Variants in PARD3B observed in about 807,000 individuals in gnomAD.
PARD3B encodes the protein par-3 family cell polarity regulator beta, also known as partitioning defective 3 homolog B.
A neutral mutation model predicts 130.2 loss-of-function variants in PARD3B; 103 were observed. The observed-to-expected ratio is 0.79, with a 90% CI of 0.67 to 0.93. The LOEUF is 0.93. Ranked by LOEUF, PARD3B falls within the 40% of genes least tolerant of loss-of-function variation. The probability of loss-of-function intolerance (pLI) is 0.00; values close to 1 mark genes in which losing one functional copy is unlikely to be tolerated. For synonymous variants in PARD3B, 583 were observed against 553.2 expected (o/e 1.05, Z -0.76); for missense variants, 1,609 against 1,499.2 (o/e 1.07, Z -1.21).
intron 2 of PARD3B, among the ~76,000 whole-genome samples, chr2:204,844,571 C>T (rs970229122): frequency 1.2e-4 from 18 of 152,050 alleles, no homozygotes; most frequent in Admixed American, 4.6e-4. Flanking sequence ...TTGGTACTAA[C>T]GTGTGAGCAC....
chr2:205,106,491 G>A (rs1703227403), intron 5 of PARD3B, among the ~76,000 whole-genome samples: 1 of 32,626 alleles, frequency 3.1e-5, no homozygotes, highest in African/African-American at 1.6e-4. Flanking sequence ...ATGTGTGTGT[G>A]TGTGTGTGTG....
In PARD3B at chr2:205,521,743, CGTTT is replaced by C. The variant is rs372129031; in HGVS notation, c.3180+21717_3180+21720del. On this transcript the variant is annotated intron_variant, in intron 21 of 22. Coordinates refer to ENST00000406610, the MANE Select transcript of PARD3B (RefSeq NM_001302769.2). ...TATTTGTAAGTGAAATTGATAAGTA[CGTTT>C]GTTTTTTTGTTTGTTTGTTTCTAAC... Among the ~76,000 whole-genome samples, 265 of 151,982 alleles carry C rather than the reference CGTTT, an allele frequency of 1.7e-3. 3 individuals carry two copies. The highest frequency in any genetic ancestry group is 4.8e-3 in the African/African-American group (199 of 41,504).
chr2:204,611,162 G>A (rs530772145), intron 1 of PARD3B, among the ~76,000 whole-genome samples: 32 of 152,258 alleles, frequency 2.1e-4, no homozygotes, highest in African/African-American at 7.0e-4. Context: ...CTCAGCATGA[G>A]TCCTAATGTA....
intron 1 of PARD3B, among the ~76,000 whole-genome samples, chr2:204,621,212 G>A (rs1405633637): frequency 2.0e-5 from 3 of 152,204 alleles, no homozygotes; most frequent in Admixed American, 1.3e-4. Context: ...ACTGAAAGCT[G>A]TAGGAAGGTA....
At chr2:205,488,806 A>C (rs1016818867) in intron 20 of PARD3B, among the ~76,000 whole-genome samples, 6 of 152,184 alleles carry the variant, frequency 3.9e-5, no homozygotes, top group Non-Finnish European at 7.3e-5. Context: ...TGGAATCACT[A>C]TCACTACTTA....
At chr2:205,212,174 A>G (rs1331915446) in intron 15 of PARD3B, among the ~76,000 whole-genome samples, 5 of 143,260 alleles carry the variant, frequency 3.5e-5, no homozygotes, top group South Asian at 2.3e-4. Flanking sequence ...ATTTGTTAAT[A>G]TAAACAGTAT....
chr2:205,499,790 T>C, intron 20 of PARD3B, 106 bp from the exon 21 acceptor site: 1 of 1,243,548 alleles, frequency 8.0e-7, no homozygotes, highest in Non-Finnish European at 1.1e-6. Context: ...ATTACATTAT[T>C]GAATCTTCCA....
intron 22 of PARD3B, among the ~76,000 whole-genome samples, chr2:205,605,413 GGTA>G (rs1215331258): frequency 6.6e-6 from 1 of 152,136 alleles, no homozygotes; most frequent in African/African-American, 2.4e-5. Flanking sequence ...GTTTTTTGTT[GGTA>G]GTGGTGGTGG....
intron 1 of PARD3B, among the ~76,000 whole-genome samples, chr2:204,611,364 C>G (rs1049681999): frequency 5.3e-5 from 8 of 152,154 alleles, no homozygotes; most frequent in Non-Finnish European, 1.0e-4. Flanking sequence ...AGTGGGGAAA[C>G]CCTTGTCATG....
Position 205,539,050 on chromosome 2 carries a change from A to G in PARD3B, c.3181-14274A>G, listed in dbSNP as rs2192934. On this transcript the variant is annotated intron_variant, in intron 21 of 22. Coordinates refer to ENST00000406610, the MANE Select transcript of PARD3B (RefSeq NM_001302769.2). The stretch of plus-strand genomic sequence containing the variant: ...GTAGAGCCAGAATTCAAACCCAACC[A>G]CTATGGCACACTGTGTGCAGGCCTG... 5.5e-3 allele frequency among the ~76,000 whole-genome samples: 843 copies of G among 152,236 alleles called. 6 individuals carry two copies. The highest frequency in any genetic ancestry group is 9.5e-3 in the Non-Finnish European group (645 of 68,030).
At chr2:204,663,709 G>A (rs575661622) in intron 1 of PARD3B, among the ~76,000 whole-genome samples, 5 of 152,232 alleles carry the variant, frequency 3.3e-5, no homozygotes, top group Admixed American at 6.5e-5. Context: ...ATATTTACCC[G>A]TAAGTGTTGT....
chr2:205,371,993 C>A (rs2044836744), intron 18 of PARD3B, among the ~76,000 whole-genome samples: 1 of 152,040 alleles, frequency 6.6e-6, no homozygotes. Flanking sequence ...GTACGTGTAT[C>A]CCTTTTTATT....
chr2:204,906,578 G>C lies in PARD3B; in HGVS notation c.223-58574G>C, dbSNP rs1366600871. On this transcript the variant is annotated intron_variant, in intron 2 of 22. Transcript: ENST00000406610. This position sits in a 1 kb window ranked among gnomAD's most constrained non-coding sequence, Gnocchi z 4.3. ...AGTGTGGTATCCAAGCTATAATTTT[G>C]ATGCCTTCCCTTATGTTGGTAATTT... Among the ~76,000 whole-genome samples, 2 of 152,138 alleles carry C rather than the reference G, an allele frequency of 1.3e-5. No individual in the cohort carries two copies. Among genetic ancestry groups the C allele is most frequent in the Non-Finnish European group, 2.9e-5 (2 of 68,022 alleles).
intron 2 of PARD3B, among the ~76,000 whole-genome samples, chr2:204,840,272 G>A (rs984370157): frequency 2.0e-5 from 3 of 152,162 alleles, no homozygotes; most frequent in Non-Finnish European, 4.4e-5. Flanking sequence ...TGGGGTAGCT[G>A]TAGAGAAATA....
chr2:205,465,501 C>A (rs897543535), intron 20 of PARD3B, among the ~76,000 whole-genome samples: 2 of 152,114 alleles, frequency 1.3e-5, no homozygotes, highest in Non-Finnish European at 2.9e-5. Flanking sequence ...TATCTGAATT[C>A]TTTTTTCCCC....
At chr2:204,729,082 T>G (rs930923161) in intron 2 of PARD3B, among the ~76,000 whole-genome samples, 1 of 152,076 alleles carries the variant, frequency 6.6e-6, no homozygotes, top group African/African-American at 2.4e-5. Flanking sequence ...GAGATGGGGG[T>G]CCCTGGGTGA....
At chr2:205,484,354 G>A (rs2049357046) in intron 20 of PARD3B, among the ~76,000 whole-genome samples, 1 of 152,150 alleles carries the variant, frequency 6.6e-6, no homozygotes, top group Admixed American at 6.6e-5. Context: ...AGCCTCTGTA[G>A]CCCCTCTGCT....
intron 21 of PARD3B, among the ~76,000 whole-genome samples, chr2:205,517,567 G>A (rs1475942122): frequency 6.6e-6 from 1 of 151,828 alleles, no homozygotes; most frequent in Non-Finnish European, 1.5e-5. Flanking sequence ...GGTTTTTCAT[G>A]TCTCAATTTC....
intron 20 of PARD3B, among the ~76,000 whole-genome samples, chr2:205,466,667 C>A (rs11886997): frequency 0.19 from 29,674 of 152,202 alleles, 6,101 homozygotes; most frequent in African/African-American, 0.52. Context: ...TAATTATGCT[C>A]AAAAGATGTA....
Sources: allele counts gnomAD v4.1 joint callset (sites outside exome capture counted in the v4.1 genomes callset), GRCh38; gene constraint gnomAD v4.1.1; non-coding constraint Gnocchi (gnomAD v3.1); transcripts MANE v1.5; gene names NCBI Gene and HGNC (gene_info 2026-07-23, HGNC 2026-07-21).